The following ITPR1 variants were observed in gnomAD, a reference collection of about 807,000 sequenced individuals.
ITPR1 encodes the protein inositol 1,4,5-trisphosphate-gated calcium channel ITPR1.
Under a neutral mutation model 318.4 loss-of-function variants are expected in ITPR1, and 96 were observed. The ratio of observed to expected loss-of-function variants is 0.30; its 90% CI spans 0.26 to 0.36. ITPR1 has a LOEUF of 0.36. Among genes scored for constraint, ITPR1 ranks in the 10% least tolerant of loss-of-function variants. The probability of loss-of-function intolerance (pLI) is 1.00; values close to 1 mark genes in which losing one functional copy is unlikely to be tolerated. For missense variants in ITPR1, 2,440 were observed against 3,460.2 expected (o/e 0.71, Z 7.40); for synonymous variants, 1,312 against 1,289.9 (o/e 1.02, Z -0.37).
chr3:4,727,915 A>G (rs182096242), intron 42 of ITPR1, among the ~76,000 whole-genome samples: 38 of 152,302 alleles, frequency 2.5e-4, no homozygotes, highest in African/African-American at 8.7e-4. Flanking sequence ...TATTTTTTAT[A>G]CACATGAGCA....
At chr3:4,624,670 CAAAA>C (rs1161664837) in intron 4 of ITPR1, among the ~76,000 whole-genome samples, 82 of 72,476 alleles carry the variant, frequency 1.1e-3, no homozygotes, top group African/African-American at 2.4e-3. Context: ...GCTCTGTCTC[CAAAA>C]AAAAAAAAAA....
intron 41 of ITPR1, among the ~76,000 whole-genome samples, chr3:4,726,427 TA>T (rs1293512724): frequency 6.6e-6 from 1 of 152,138 alleles, no homozygotes; most frequent in South Asian, 2.1e-4. Flanking sequence ...TGTAAGATCA[TA>T]GAGAAGCTTT....
At chr3:4,573,256 T>C (rs988242646) in intron 4 of ITPR1, among the ~76,000 whole-genome samples, 10 of 152,174 alleles carry the variant, frequency 6.6e-5, no homozygotes, top group African/African-American at 9.7e-5. Context: ...CTTGGAGTCT[T>C]TTTTTGGCTT....
chr3:4,586,825 G>T (rs894570172), intron 4 of ITPR1, among the ~76,000 whole-genome samples: 2 of 151,372 alleles, frequency 1.3e-5, no homozygotes, highest in Non-Finnish European at 2.9e-5. Context: ...ACTGTTTCTT[G>T]CATGAGGCCA....
chr3:4,589,222 A>G (rs2090180323), intron 4 of ITPR1, among the ~76,000 whole-genome samples: 1 of 152,180 alleles, frequency 6.6e-6, no homozygotes, highest in Non-Finnish European at 1.5e-5. Context: ...AGACATATTC[A>G]TATATATAAG....
At chr3:4,739,802 AG>A (rs768760279) in intron 44 of ITPR1, among the ~76,000 whole-genome samples, 2 of 152,102 alleles carry the variant, frequency 1.3e-5, no homozygotes, top group Admixed American at 6.6e-5. Flanking sequence ...TGCAACCATC[AG>A]GGGGTTGACT....
intron 10 of ITPR1, among the ~76,000 whole-genome samples, chr3:4,650,951 A>G (rs1341603201): frequency 6.6e-6 from 1 of 152,152 alleles, no homozygotes; most frequent in Non-Finnish European, 1.5e-5. Flanking sequence ...CTTTTGTTGT[A>G]CACTAAAGTG....
At chr3:4,729,488 G>T (rs1294621053) in intron 42 of ITPR1, among the ~76,000 whole-genome samples, 1 of 152,214 alleles carries the variant, frequency 6.6e-6, no homozygotes, top group African/African-American at 2.4e-5. Context: ...GGGTGATCTT[G>T]CCTGAAGCAC....
At chr3:4,557,993 C>T (rs2086300764) in intron 4 of ITPR1, among the ~76,000 whole-genome samples, 2 of 152,196 alleles carry the variant, frequency 1.3e-5, no homozygotes. Context: ...ACTTTCTTTT[C>T]TCTTTCCTAC....
chr3:4,656,772 A>G (rs903251447), intron 12 of ITPR1, among the ~76,000 whole-genome samples: 6 of 152,214 alleles, frequency 3.9e-5, no homozygotes, highest in Admixed American at 1.3e-4. Flanking sequence ...GAAAGGGGGC[A>G]GAGCTTCAGC....
At chr3:4,578,891 G>A (rs1329243994) in intron 4 of ITPR1, among the ~76,000 whole-genome samples, 1 of 152,186 alleles carries the variant, frequency 6.6e-6, no homozygotes, top group Non-Finnish European at 1.5e-5. Flanking sequence ...GCTTCACGTT[G>A]TCATTGAGAG....
At chr3:4,609,051 A>AAAATATATATATATATAT (rs2091905319) in intron 4 of ITPR1, among the ~76,000 whole-genome samples, 1 of 46,542 alleles carries the variant, frequency 2.1e-5, no homozygotes, top group Non-Finnish European at 4.6e-5. Flanking sequence ...ACAACAACGA[A>AAAATATATATATATATAT]ATATATATAT....
intron 50 of ITPR1, 91 bp from the exon 51 acceptor site, chr3:4,783,725 G>A: frequency 9.7e-7 from 1 of 1,025,834 alleles, no homozygotes; most frequent in Non-Finnish European, 1.5e-6. Context: ...TGGTTATTAT[G>A]CATTTTTAAA....
rs1313946357 is a variant in ITPR1, at chr3:4,674,203, T to C, written c.2458T>C (p.Tyr820His). The change falls in exon 22 of 62, where the codon TAT becomes CAT. Residue 820 changes from tyrosine to histidine, a missense_variant and splice_region_variant. Around this residue, in one of 23 missense-constraint regions of ITPR1, gnomAD observed 478 missense variants for 696.3 expected, o/e 0.69. Transcript: ENST00000649015. ...EIPSEIAIDD[Y>H]DSSGASKDEI... ...CCTTTCTTTCTCCTTTCTTTTCAGC[T>C]ATGATAGTAGTGGAGCTTCCAAAGA... 1 of 1,542,904 alleles carries C rather than the reference T, an allele frequency of 6.5e-7. No homozygotes were observed. The highest frequency in any genetic ancestry group is 8.7e-7 in the Non-Finnish European group (1 of 1,144,946).
chr3:4,717,103 T>C (rs189049903), intron 39 of ITPR1, among the ~76,000 whole-genome samples: 29 of 152,346 alleles, frequency 1.9e-4, no homozygotes, highest in Admixed American at 1.9e-3. Flanking sequence ...CACGGCTGTC[T>C]GCACATGTGG....
At chr3:4,757,359 T>C (rs575393699) in intron 44 of ITPR1, among the ~76,000 whole-genome samples, 2 of 152,334 alleles carry the variant, frequency 1.3e-5, no homozygotes, top group South Asian at 4.1e-4. Flanking sequence ...TATTAACAAA[T>C]GTATTAAACG....
At chr3:4,615,373 CTTTTTTTTTTT>C in intron 4 of ITPR1, among the ~76,000 whole-genome samples, 1 of 122,828 alleles carries the variant, frequency 8.1e-6, no homozygotes, top group East Asian at 2.6e-4. Flanking sequence ...TGATTTCTTT[CTTTTTTTTTTT>C]TTTTTTTTTG....
intron 33 of ITPR1, among the ~76,000 whole-genome samples, chr3:4,696,129 A>G (rs1233152393): frequency 6.6e-6 from 1 of 152,194 alleles, no homozygotes; most frequent in Non-Finnish European, 1.5e-5. Flanking sequence ...AGATGTTTAC[A>G]GATATGATTC....
At chr3:4,805,790 T>A (rs2048515974) in intron 54 of ITPR1, among the ~76,000 whole-genome samples, 1 of 152,250 alleles carries the variant, frequency 6.6e-6, no homozygotes, top group African/African-American at 2.4e-5. Flanking sequence ...TAGAAATGAT[T>A]CATATCTCAT....
Sources: allele counts gnomAD v4.1 joint callset (sites outside exome capture counted in the v4.1 genomes callset), GRCh38; gene constraint gnomAD v4.1.1; regional missense constraint gnomAD v4.1.1; transcripts MANE v1.5; gene names NCBI Gene and HGNC (gene_info 2026-07-23, HGNC 2026-07-21).